The following DAB2IP variants were observed in gnomAD, a reference collection of about 807,000 sequenced individuals.
The protein encoded by DAB2IP is disabled homolog 2-interacting protein.
A neutral mutation model predicts 107.2 loss-of-function variants in DAB2IP; 28 were observed. That is an observed-to-expected ratio of 0.26 (90% CI 0.19 to 0.36). DAB2IP has a LOEUF of 0.36. Among genes scored for constraint, DAB2IP ranks in the 10% least tolerant of loss-of-function variants. The probability of loss-of-function intolerance (pLI) is 1.00; values close to 1 mark genes in which losing one functional copy is unlikely to be tolerated. For synonymous variants in DAB2IP, 755 were observed against 706.4 expected (o/e 1.07, Z -1.09); for missense variants, 1,400 against 1,644.7 (o/e 0.85, Z 2.57).
chr9:121,727,344 G>T (rs1271387645), intron 3 of DAB2IP, among the ~76,000 whole-genome samples: 2 of 152,232 alleles, frequency 1.3e-5, no homozygotes, highest in East Asian at 3.8e-4. Context: ...GTCAAATGGG[G>T]ACAAAAAGTG....
At chr9:121,578,865 C>T (rs1007775061) in intron 1 of DAB2IP, among the ~76,000 whole-genome samples, 5 of 150,356 alleles carry the variant, frequency 3.3e-5, no homozygotes, top group African/African-American at 7.3e-5. Context: ...CTCAGCCTCC[C>T]GAGTAGCTGG....
chr9:121,606,170 C>T (rs1409345884), intron 1 of DAB2IP, among the ~76,000 whole-genome samples: 5 of 151,680 alleles, frequency 3.3e-5, no homozygotes, highest in Admixed American at 1.3e-4. Context: ...GGTGAAACCC[C>T]GTCTGTAATA....
At chr9:121,727,206 C>T (rs894974037) in intron 3 of DAB2IP, among the ~76,000 whole-genome samples, 2 of 152,198 alleles carry the variant, frequency 1.3e-5, no homozygotes, top group Non-Finnish European at 2.9e-5. Flanking sequence ...TCAAGCCCCA[C>T]CTTGAAGCAG....
At chr9:121,744,918 G>A (rs954713128) in intron 3 of DAB2IP, among the ~76,000 whole-genome samples, 6 of 152,320 alleles carry the variant, frequency 3.9e-5, no homozygotes, top group South Asian at 2.1e-4. Flanking sequence ...GAGCAGAGGC[G>A]TGCAGTTTAG....
At chr9:121,785,510 A>G (rs2119056759) in exon 16 of DAB2IP, 1 of 152,776 alleles carries the variant, frequency 6.5e-6, no homozygotes, top group Non-Finnish European at 1.5e-5. Context: ...GAAATATTAA[A>G]GATTTATTTA....
At chr9:121,740,758 T>C (rs1396624272) in intron 3 of DAB2IP, among the ~76,000 whole-genome samples, 5 of 152,168 alleles carry the variant, frequency 3.3e-5, no homozygotes, top group Non-Finnish European at 7.3e-5. Flanking sequence ...CACTCAGATA[T>C]TTGAGTTTGG....
chr9:121,783,443 G>T, exon 16 of DAB2IP: 1 of 1,611,712 alleles, frequency 6.2e-7, no homozygotes. Context: ...GAAAGAAAAG[G>T]TGATCCTTCC....
At chr9:121,706,492 G>A (rs1830064280) in intron 3 of DAB2IP, among the ~76,000 whole-genome samples, 1 of 152,182 alleles carries the variant, frequency 6.6e-6, no homozygotes, top group Non-Finnish European at 1.5e-5. Context: ...TGGCCCATGT[G>A]TGATGTGAGA....
rs1835736803 is a variant in DAB2IP at position 121,782,509 on chromosome 9, G to A, written c.*11G>A. 3 of 1,612,826 alleles carry A rather than the reference G, an allele frequency of 1.9e-6. No individual in the cohort carries two copies. In the East Asian group the frequency reaches 6.7e-5, roughly 36 times the overall value. ...AGCAGCAATTGTTAACCTGCCTGAG[G>A]AGGGAGGAAGCTACCCAAGGAGAGG... On this transcript the variant is annotated 3_prime_UTR_variant, in exon 16 of 16. Transcript: ENST00000408936. The surrounding 1 kb of genome is among the most constrained non-coding windows in gnomAD (Gnocchi z 6.1).
chr9:121,713,048 G>C (rs890792606), intron 3 of DAB2IP, among the ~76,000 whole-genome samples: 2 of 152,216 alleles, frequency 1.3e-5, no homozygotes, highest in Admixed American at 6.5e-5. Context: ...CCTTTGTGGA[G>C]CTTCCCCAGG....
At chr9:121,737,474 G>A (rs1832010747) in intron 3 of DAB2IP, 1 of 985,336 alleles carries the variant, frequency 1.0e-6, no homozygotes, top group Admixed American at 6.1e-5. Context: ...TTAGATGCCG[G>A]CCCGGCCGAG....
chr9:121,718,549 T>C (rs1213110040), intron 3 of DAB2IP, among the ~76,000 whole-genome samples: 1 of 152,176 alleles, frequency 6.6e-6, no homozygotes. Flanking sequence ...GTCTCCTCTC[T>C]TGACCCACAG....
intron 1 of DAB2IP, among the ~76,000 whole-genome samples, chr9:121,643,129 T>C (rs1832420326): frequency 6.6e-6 from 1 of 152,072 alleles, no homozygotes; most frequent in South Asian, 2.1e-4. Flanking sequence ...TTTAAGAATA[T>C]AGATTCCTTG....
At chr9:121,731,713 C>T (rs2118853977) in intron 3 of DAB2IP, among the ~76,000 whole-genome samples, 1 of 152,302 alleles carries the variant, frequency 6.6e-6, no homozygotes, top group South Asian at 2.1e-4. Context: ...GACCTACCCA[C>T]AACCACTGAC....
chr9:121,757,178 C>A lies in DAB2IP; in HGVS notation c.516+12C>A, dbSNP rs1251648911. The stretch of plus-strand genomic sequence containing the variant: ...ACTACTGCTTCGAGGTGGGTCCCAT[C>A]ACAGGGGTTGGGGTGGACACCCCAT... On this transcript the variant is annotated intron_variant, in intron 4 of 15. Coordinates refer to ENST00000408936, the Ensembl canonical transcript of DAB2IP. 32 of 1,612,630 alleles carry A rather than the reference C, an allele frequency of 2.0e-5. No homozygotes were observed. The highest frequency in any genetic ancestry group is 2.6e-5 in the Non-Finnish European group (31 of 1,179,136).
chr9:121,677,933 A>C (rs1215261241), intron 1 of DAB2IP, among the ~76,000 whole-genome samples: 1 of 152,130 alleles, frequency 6.6e-6, no homozygotes, highest in Non-Finnish European at 1.5e-5. Flanking sequence ...AAGTGCTGGG[A>C]TCACAGGTGT....
chr9:121,765,252 T>C (rs1253001489), intron 8 of DAB2IP, among the ~76,000 whole-genome samples: 1 of 152,194 alleles, frequency 6.6e-6, no homozygotes, highest in East Asian at 1.9e-4. Flanking sequence ...GAAAACATAT[T>C]TGTGGACAGT....
At chr9:121,568,765 G>A in intron 1 of DAB2IP, among the ~76,000 whole-genome samples, 1 of 152,340 alleles carries the variant, frequency 6.6e-6, no homozygotes, top group East Asian at 1.9e-4. Context: ...AGGCAGGCGA[G>A]GGGGTGGGAA....
intron 1 of DAB2IP, among the ~76,000 whole-genome samples, chr9:121,628,938 C>T (rs1831770278): frequency 1.3e-5 from 2 of 152,164 alleles, no homozygotes; most frequent in African/African-American, 2.4e-5. Flanking sequence ...GCAAGTGGGA[C>T]GGTGGCTTGA....
Sources: allele counts gnomAD v4.1 joint callset (sites outside exome capture counted in the v4.1 genomes callset), GRCh38; gene constraint gnomAD v4.1.1; non-coding constraint Gnocchi (gnomAD v3.1); transcripts MANE v1.5; gene names NCBI Gene and HGNC (gene_info 2026-07-23, HGNC 2026-07-21).